SAMSN1: variants seen among roughly 807,000 people sequenced by gnomAD.
SAMSN1 encodes SAM domain-containing protein SAMSN-1.
In SAMSN1, 31 loss-of-function variants were observed where a neutral mutation model predicts 42.0. The observed-to-expected ratio is 0.74, with a 90% confidence interval of 0.55 to 1.00. SAMSN1 has a LOEUF of 1.00. Ranked by LOEUF, SAMSN1 falls within the 50% of genes least tolerant of loss-of-function variation. The probability of loss-of-function intolerance (pLI) is 0.00; values close to 1 mark genes in which losing one functional copy is unlikely to be tolerated. For synonymous variants in SAMSN1, 178 were observed against 151.9 expected, an observed-to-expected ratio of 1.17 and a Z score of -1.26; for missense variants, 464 against 439.4, an observed-to-expected ratio of 1.06 and a Z score of -0.50.
chr21:14,609,844 T>A (rs1325053069), intron 4 of SAMSN1, among the ~76,000 whole-genome samples: 14 of 152,226 alleles, frequency 9.2e-5, no homozygotes, highest in Non-Finnish European at 1.9e-4. Flanking sequence ...CTGGCCTGTC[T>A]TTACTGCAAT....
intron 5 of SAMSN1, among the ~76,000 whole-genome samples, chr21:14,604,140 A>T (rs1257667925): frequency 6.6e-6 from 1 of 152,186 alleles, no homozygotes; most frequent in Non-Finnish European, 1.5e-5. Context: ...TATGATTCCC[A>T]AATATTACTC....
At chr21:14,557,078 C>G (rs965646365) in intron 2 of SAMSN1, among the ~76,000 whole-genome samples, 1 of 152,128 alleles carries the variant, frequency 6.6e-6, no homozygotes, top group East Asian at 1.9e-4. Context: ...CCCCTGCAAG[C>G]AGTGAAACAC....
At chr21:14,571,466 G>T (rs1044958371) in intron 2 of SAMSN1, among the ~76,000 whole-genome samples, 10 of 152,128 alleles carry the variant, frequency 6.6e-5, no homozygotes, top group African/African-American at 2.2e-4. Context: ...GATGCATAAA[G>T]ATCTTACACT....
At chr21:14,619,801 G>A (rs564493924) in intron 2 of SAMSN1, 180 of 186,440 alleles carry the variant, frequency 9.7e-4, no homozygotes, top group African/African-American at 3.9e-3. Flanking sequence ...TTTAATTGCC[G>A]TGTAGAAATA....
intron 7 of SAMSN1, among the ~76,000 whole-genome samples, chr21:14,488,180 A>G (rs975629184): frequency 5.3e-5 from 8 of 152,202 alleles, no homozygotes; most frequent in African/African-American, 7.2e-5. Flanking sequence ...GCATTCTGCC[A>G]CATCAGCAAT....
chr21:14,538,418 C>A (rs974290107), intron 1 of SAMSN1, among the ~76,000 whole-genome samples: 1 of 152,110 alleles, frequency 6.6e-6, no homozygotes. Context: ...ATCTACAGGG[C>A]TTTTTTCTTC....
At chr21:14,549,325 A>G (rs117184598), upstream of SAMSN1, among the ~76,000 whole-genome samples, 11 of 152,286 alleles carry the variant, frequency 7.2e-5, no homozygotes, top group African/African-American at 7.2e-5. Flanking sequence ...ATTAGATAGT[A>G]GTTTGGATTA....
At chr21:14,523,342 C>A (rs916169140) in intron 1 of SAMSN1, 1 of 152,244 alleles carries the variant, frequency 6.6e-6, no homozygotes, top group Non-Finnish European at 1.5e-5. Flanking sequence ...CTGTGTTAGA[C>A]ACAATTAACG....
intron 2 of SAMSN1, among the ~76,000 whole-genome samples, chr21:14,564,331 A>G (rs1981041528): frequency 6.6e-6 from 1 of 152,178 alleles, no homozygotes; most frequent in African/African-American, 2.4e-5. Context: ...AAGAAGGGAG[A>G]TTTCTTGGAA....
At chr21:14,517,126 A>T (rs1987955225) in intron 2 of SAMSN1, 85 bp from the exon 3 acceptor site, 1 of 1,313,364 alleles carries the variant, frequency 7.6e-7, no homozygotes, top group Admixed American at 2.6e-5. Context: ...GAACATTCTG[A>T]GTTTGTGGAT....
intron 4 of SAMSN1, chr21:14,612,591 C>A: frequency 1.9e-6 from 1 of 524,820 alleles, no homozygotes; most frequent in Non-Finnish European, 3.8e-6. Flanking sequence ...AGCAGCCAAG[C>A]TACACATGGA....
intron 5 of SAMSN1, among the ~76,000 whole-genome samples, chr21:14,503,192 G>A (rs1006265351): frequency 2.0e-5 from 3 of 152,046 alleles, no homozygotes; most frequent in African/African-American, 7.2e-5. Flanking sequence ...TTAACTGAAA[G>A]GGAGATTATC....
intron 5 of SAMSN1, chr21:14,609,422 C>G: frequency 2.8e-6 from 2 of 713,096 alleles, no homozygotes; most frequent in Admixed American, 4.0e-5. Context: ...ATTTTTCTTA[C>G]CTGCCCTTTA....
intron 2 of SAMSN1, among the ~76,000 whole-genome samples, chr21:14,617,801 C>G (rs1982880256): frequency 6.6e-6 from 1 of 152,178 alleles, no homozygotes; most frequent in Non-Finnish European, 1.5e-5. Flanking sequence ...CCTTTGCTAT[C>G]AAAGAGATTA....
chr21:14,586,079 A>G (rs1981906137), upstream of SAMSN1, among the ~76,000 whole-genome samples: 1 of 151,958 alleles, frequency 6.6e-6, no homozygotes, highest in African/African-American at 2.4e-5. Flanking sequence ...CCTGGCCAAC[A>G]TGGTGAAACC....
intron 2 of SAMSN1, among the ~76,000 whole-genome samples, chr21:14,577,726 C>G (rs1404986397): frequency 6.6e-6 from 1 of 152,176 alleles, no homozygotes; most frequent in Non-Finnish European, 1.5e-5. Flanking sequence ...TATTCCCTTT[C>G]TTAAGATGCA....
At chr21:14,650,771 TAAC>T (rs1250440381) in intron 1 of SAMSN1, among the ~76,000 whole-genome samples, 1 of 151,640 alleles carries the variant, frequency 6.6e-6, no homozygotes, top group Non-Finnish European at 1.5e-5. Flanking sequence ...TAAACAAAGT[TAAC>T]AAACTTTTAG....
chr21:14,547,897 C>G (rs1265045448), upstream of SAMSN1, among the ~76,000 whole-genome samples: 1 of 151,906 alleles, frequency 6.6e-6, no homozygotes, highest in Non-Finnish European at 1.5e-5. Flanking sequence ...ATTTTATTAC[C>G]AGATAATAAA....
intron 7 of SAMSN1, among the ~76,000 whole-genome samples, chr21:14,486,795 G>A (rs1168869674): frequency 1.3e-5 from 2 of 152,088 alleles, no homozygotes; most frequent in African/African-American, 2.4e-5. Context: ...CTGTAGTCCT[G>A]AAGAATAATC....
Sources: gnomAD v4.1 joint callset for allele counts (sites outside exome capture counted in the v4.1 genomes callset) on GRCh38, gnomAD v4.1.1 for gene constraint, MANE v1.5 for transcripts, NCBI Gene and HGNC (gene_info 2026-07-23, HGNC 2026-07-21) for gene names.